Variants in CLEC16A observed in about 807,000 individuals in gnomAD.
CLEC16A encodes the protein protein CLEC16A.
Under a neutral mutation model 109.5 loss-of-function variants are expected in CLEC16A, and 51 were observed. The ratio of observed to expected loss-of-function variants is 0.47; its 90% CI spans 0.37 to 0.59. The LOEUF (loss-of-function observed/expected upper bound fraction) is 0.59, where lower values mean the gene tolerates loss of function less well. Among genes scored for constraint, CLEC16A ranks in the 20% least tolerant of loss-of-function variants. The pLI, the probability that CLEC16A is intolerant of heterozygous loss-of-function variation, is 0.00. For synonymous variants in CLEC16A, 673 were observed against 564.2 expected (o/e 1.19, Z -2.73); for missense variants, 1,339 against 1,394.0 (o/e 0.96, Z 0.63).
At chr16:11,044,364 C>G (rs2047517672) in intron 16 of CLEC16A, 1 of 280,038 alleles carries the variant, frequency 3.6e-6, no homozygotes, top group Non-Finnish European at 6.6e-6. Flanking sequence ...AAATTATGAA[C>G]TACGTACGTA....
intron 18 of CLEC16A, 86 bp downstream of exon 18, chr16:11,051,727 A>G: frequency 1.3e-6 from 2 of 1,539,880 alleles, no homozygotes; most frequent in Non-Finnish European, 1.8e-6. Context: ...TTCTTTGTCA[A>G]AGTCAAGAGC....
chr16:11,115,445 C>G (rs1326760054), intron 19 of CLEC16A, among the ~76,000 whole-genome samples: 1 of 152,192 alleles, frequency 6.6e-6, no homozygotes, highest in Non-Finnish European at 1.5e-5. Context: ...GATCACGGCT[C>G]TCTATAGCCT....
At chr16:10,970,848 G>A (rs2042747415) in intron 4 of CLEC16A, among the ~76,000 whole-genome samples, 1 of 152,208 alleles carries the variant, frequency 6.6e-6, no homozygotes, top group African/African-American at 2.4e-5. Context: ...CTGGGCTCAA[G>A]CCAACCTCCC....
At chr16:11,031,905 A>T (rs1194211808) in intron 13 of CLEC16A, among the ~76,000 whole-genome samples, 1 of 152,180 alleles carries the variant, frequency 6.6e-6, no homozygotes, top group Non-Finnish European at 1.5e-5. Flanking sequence ...TCCTCATGTA[A>T]TTAGTTATTC....
At chr16:11,090,369 G>A (rs1001218080) in intron 19 of CLEC16A, among the ~76,000 whole-genome samples, 1 of 152,096 alleles carries the variant, frequency 6.6e-6, no homozygotes, top group Admixed American at 6.5e-5. Flanking sequence ...CTGTGTTTGT[G>A]GATTCATGGA....
intron 11 of CLEC16A, among the ~76,000 whole-genome samples, chr16:11,011,741 C>G (rs1265379641): frequency 6.6e-6 from 1 of 152,122 alleles, no homozygotes; most frequent in African/African-American, 2.4e-5. Flanking sequence ...TATGTGCCTA[C>G]ATATACATAC....
chr16:11,153,761 A>C (rs1253993323), intron 22 of CLEC16A, among the ~76,000 whole-genome samples: 2 of 152,256 alleles, frequency 1.3e-5, no homozygotes, highest in African/African-American at 4.8e-5. Flanking sequence ...AAGGAAATCA[A>C]TACTTTTATG....
intron 10 of CLEC16A, among the ~76,000 whole-genome samples, chr16:10,988,298 C>G (rs889882626): frequency 6.6e-6 from 1 of 152,000 alleles, no homozygotes; most frequent in Non-Finnish European, 1.5e-5. Context: ...TTCATCTATT[C>G]ATCCATTCCT....
rs1046621368 is a variant in CLEC16A at position 11,137,782 on chromosome 16, C to T, written c.2641+11636C>T. 2.6e-5 allele frequency among the ~76,000 whole-genome samples: 4 copies of T among 152,024 alleles called. No individual in the cohort carries two copies. The East Asian group carries it at 7.7e-4, about 29-fold the overall frequency. ...CAAGGTCGCACCACTGCACTCCAGC[C>T]TGGGTAACAGAGCGAGACTCCCTCT... On this transcript the variant is annotated intron_variant, in intron 22 of 23. Coordinates refer to ENST00000409790, the MANE Select transcript of CLEC16A (RefSeq NM_015226.3).
intron 1 of CLEC16A, among the ~76,000 whole-genome samples, chr16:10,948,839 AG>A (rs2041571729): frequency 6.6e-6 from 1 of 152,168 alleles, no homozygotes; most frequent in African/African-American, 2.4e-5. Flanking sequence ...ATTTTCAGGC[AG>A]GCTGCAGGCT....
At chr16:11,027,051 C>A in intron 13 of CLEC16A, 6 of 1,558,958 alleles carry the variant, frequency 3.8e-6, no homozygotes, top group Non-Finnish European at 5.3e-6. Flanking sequence ...AAGAAAAATC[C>A]CTTTGGTTCC....
At chr16:11,092,486 G>C (rs2050370113) in intron 19 of CLEC16A, among the ~76,000 whole-genome samples, 1 of 152,030 alleles carries the variant, frequency 6.6e-6, no homozygotes. Flanking sequence ...GGAGGTTCCC[G>C]TGAGCCAAGA....
At chr16:11,169,550 G>A (rs188799972) in intron 23 of CLEC16A, among the ~76,000 whole-genome samples, 180 of 152,292 alleles carry the variant, frequency 1.2e-3, no homozygotes, top group Admixed American at 1.9e-3. Context: ...GCCTCCCAAA[G>A]TGCTGGCATT....
chr16:11,042,504 T>A, intron 15 of CLEC16A, 141 bp downstream of exon 15: 3 of 595,450 alleles, frequency 5.0e-6, no homozygotes, highest in South Asian at 4.4e-5. Flanking sequence ...GCTGCTCTCT[T>A]GAGACCCCAC....
At chr16:11,031,124 A>T (rs1310932690) in intron 13 of CLEC16A, among the ~76,000 whole-genome samples, 1 of 152,122 alleles carries the variant, frequency 6.6e-6, no homozygotes, top group African/African-American at 2.4e-5. Flanking sequence ...GGCAGAAACC[A>T]TGTGCTCCCT....
chr16:11,097,757 G>C (rs960982764), intron 19 of CLEC16A, among the ~76,000 whole-genome samples: 1 of 152,216 alleles, frequency 6.6e-6, no homozygotes, highest in Non-Finnish European at 1.5e-5. Flanking sequence ...CCCAGTGTCT[G>C]AGAGTGTGAT....
intron 13 of CLEC16A, chr16:11,027,390 G>T: frequency 7.1e-7 from 1 of 1,412,130 alleles, no homozygotes. Context: ...CTTTGTAAAA[G>T]TCACCCCCCA....
intron 15 of CLEC16A, among the ~76,000 whole-genome samples, chr16:11,042,690 C>T (rs1273728202): frequency 6.6e-6 from 1 of 152,142 alleles, no homozygotes. Flanking sequence ...CACATCAACA[C>T]ACATACACAC....
chr16:11,083,556 G>C (rs1368116576), intron 19 of CLEC16A, among the ~76,000 whole-genome samples: 1 of 152,212 alleles, frequency 6.6e-6, no homozygotes, highest in Non-Finnish European at 1.5e-5. Context: ...GGGCCACTCA[G>C]CTCCAGAGCC....
Sources: allele counts gnomAD v4.1 joint callset (sites outside exome capture counted in the v4.1 genomes callset), GRCh38; gene constraint gnomAD v4.1.1; transcripts MANE v1.5; gene names NCBI Gene and HGNC (gene_info 2026-07-23, HGNC 2026-07-21).